ARHGAP18: variants seen among roughly 807,000 people sequenced by gnomAD.
ARHGAP18 encodes rho GTPase-activating protein 18.
A neutral mutation model predicts 86.2 loss-of-function variants in ARHGAP18; 67 were observed. The ratio of observed to expected loss-of-function variants is 0.78; its 90% CI spans 0.64 to 0.95. The LOEUF is 0.95. Among genes scored for constraint, ARHGAP18 ranks in the 40% least tolerant of loss-of-function variants. The pLI, the probability that ARHGAP18 is intolerant of heterozygous loss-of-function variation, is 0.00. For missense variants in ARHGAP18, 691 were observed against 780.4 expected, an observed-to-expected ratio of 0.89 and a Z score of 1.37; for synonymous variants, 283 against 280.4, an observed-to-expected ratio of 1.01 and a Z score of -0.09.
At chr6:129,600,211 C>A (rs945694923) in intron 11 of ARHGAP18, among the ~76,000 whole-genome samples, 6 of 152,046 alleles carry the variant, frequency 3.9e-5, no homozygotes, top group Admixed American at 1.3e-4. Flanking sequence ...ATCAACGAAG[C>A]CTCTCATCCA....
At chr6:129,654,051 T>C (rs755122888) in intron 1 of ARHGAP18, among the ~76,000 whole-genome samples, 11 of 151,840 alleles carry the variant, frequency 7.2e-5, no homozygotes, top group African/African-American at 1.9e-4. Context: ...TGGAAAAACA[T>C]ACACACACAC....
chr6:129,677,200 T>C (rs1321154206), intron 1 of ARHGAP18, among the ~76,000 whole-genome samples: 2 of 152,086 alleles, frequency 1.3e-5, no homozygotes, highest in African/African-American at 4.8e-5. Context: ...GAGACCACCC[T>C]GGCTAACACG....
At chr6:129,704,920 G>A (rs374769262) in intron 1 of ARHGAP18, among the ~76,000 whole-genome samples, 19 of 152,142 alleles carry the variant, frequency 1.2e-4, no homozygotes, top group Non-Finnish European at 1.9e-4. Context: ...CCTGACCCCT[G>A]CAGTCATGCA....
At chr6:129,649,278 A>T (rs1457422018) in intron 1 of ARHGAP18, among the ~76,000 whole-genome samples, 1 of 152,198 alleles carries the variant, frequency 6.6e-6, no homozygotes, top group Non-Finnish European at 1.5e-5. Context: ...AGTCGCGGCC[A>T]GGTGCGGTGA....
chr6:129,652,139 C>T (rs1363775745), intron 1 of ARHGAP18, among the ~76,000 whole-genome samples: 4 of 152,244 alleles, frequency 2.6e-5, no homozygotes, highest in Non-Finnish European at 4.4e-5. Flanking sequence ...CAGACTGAGA[C>T]ACCCTTCCTG....
chr6:129,629,619 T>C (rs72984741), intron 4 of ARHGAP18, 97 bp from the exon 5 acceptor site: 105,858 of 1,276,952 alleles, frequency 0.083, 4,816 homozygotes, highest in South Asian at 0.1. Flanking sequence ...TTGGGAAGAG[T>C]ACTATTTTCT....
intron 1 of ARHGAP18, among the ~76,000 whole-genome samples, chr6:129,677,255 C>T (rs750667953): frequency 1.3e-4 from 20 of 152,094 alleles, no homozygotes; most frequent in South Asian, 4.2e-4. Context: ...TAGCCAGGTG[C>T]GGTGGCGGAC....
intron 12 of ARHGAP18, among the ~76,000 whole-genome samples, chr6:129,587,661 A>T (rs976754696): frequency 6.6e-6 from 1 of 152,090 alleles, no homozygotes; most frequent in African/African-American, 2.4e-5. Context: ...TCTCATGAGA[A>T]CTCACTCACT....
chr6:129,708,226 C>T (rs147550555), intron 1 of ARHGAP18, among the ~76,000 whole-genome samples: 3 of 152,172 alleles, frequency 2.0e-5, no homozygotes, highest in Admixed American at 1.3e-4. Flanking sequence ...ATATCAGGAA[C>T]GATCCCTAGA....
chr6:129,627,129 A>G (rs1214207856), intron 5 of ARHGAP18, among the ~76,000 whole-genome samples: 3 of 152,162 alleles, frequency 2.0e-5, no homozygotes, highest in Admixed American at 6.6e-5. Flanking sequence ...CTATTTTTAC[A>G]AATATATATA....
intron 13 of ARHGAP18, 83 bp downstream of exon 13, chr6:129,583,901 AAAAG>A: frequency 1.3e-6 from 2 of 1,503,148 alleles, no homozygotes; most frequent in Non-Finnish European, 1.8e-6. Flanking sequence ...AAAAAAAAAA[AAAAG>A]GAAGAAGAAG....
chr6:129,630,793 A>G (rs543308331), intron 4 of ARHGAP18, among the ~76,000 whole-genome samples: 76 of 152,302 alleles, frequency 5.0e-4, no homozygotes, highest in African/African-American at 1.8e-3. Flanking sequence ...CTCTGCTGTT[A>G]CATCCTGAAA....
intron 1 of ARHGAP18, among the ~76,000 whole-genome samples, chr6:129,709,782 T>C (rs774805453): frequency 2.6e-5 from 4 of 152,262 alleles, no homozygotes; most frequent in African/African-American, 9.6e-5. Flanking sequence ...TGACAGCCCA[T>C]ATAGCCCTCT....
Position 129,600,716 on chromosome 6 carries a change from G to T in ARHGAP18, c.1498C>A (p.Arg500=), listed in dbSNP as rs370016963. The change falls in exon 11 of 15, where the codon CGA becomes AGA. Residue 500 remains arginine (R), a synonymous_variant. Coordinates refer to ENST00000368149, the MANE Select transcript of ARHGAP18 (RefSeq NM_033515.3). ...GTCCCAGCTGCCATTACAAATTCTCGCTGTTCACTGGACTTCAATCCCAAT... is the reference window on the plus strand; with the variant it reads ...GTCCCAGCTGCCATTACAAATTCTCTCTGTTCACTGGACTTCAATCCCAAT... ...HALGLKSSEQ[R]EFVMAAGTAN... 7.4e-6 allele frequency: 12 copies of T among 1,613,528 alleles called. No individual in the cohort carries two copies. Among genetic ancestry groups the T allele is most frequent in the Admixed American group, 6.7e-5 (4 of 59,904 alleles).
At chr6:129,672,121 C>T (rs570332288) in intron 1 of ARHGAP18, among the ~76,000 whole-genome samples, 1 of 152,226 alleles carries the variant, frequency 6.6e-6, no homozygotes, top group African/African-American at 2.4e-5. Flanking sequence ...TTCCTCTCCC[C>T]TTTCTTCTAC....
At chr6:129,620,328 G>A (rs1025967401) in intron 5 of ARHGAP18, among the ~76,000 whole-genome samples, 1 of 152,192 alleles carries the variant, frequency 6.6e-6, no homozygotes, top group African/African-American at 2.4e-5. Flanking sequence ...AAAAGGTTCT[G>A]ATTTTGGAAC....
intron 4 of ARHGAP18, among the ~76,000 whole-genome samples, chr6:129,630,763 G>T (rs563677583): frequency 8.7e-4 from 132 of 152,248 alleles, no homozygotes; most frequent in African/African-American, 3.0e-3. Flanking sequence ...GCTCAGGAGG[G>T]TTCCACACTT....
intron 12 of ARHGAP18, among the ~76,000 whole-genome samples, chr6:129,585,730 T>G (rs1471696989): frequency 6.6e-6 from 1 of 152,196 alleles, no homozygotes; most frequent in Non-Finnish European, 1.5e-5. Flanking sequence ...CACTCATGAC[T>G]TTGCTGGGCT....
chr6:129,678,611 C>T (rs867527018), intron 1 of ARHGAP18, among the ~76,000 whole-genome samples: 15 of 152,128 alleles, frequency 9.9e-5, no homozygotes, highest in African/African-American at 2.7e-4. Context: ...TCAAACTTGC[C>T]TGCACATTAG....
Sources: allele counts gnomAD v4.1 joint callset (sites outside exome capture counted in the v4.1 genomes callset), GRCh38; gene constraint gnomAD v4.1.1; transcripts MANE v1.5; gene names NCBI Gene and HGNC (gene_info 2026-07-23, HGNC 2026-07-21).